The following MRC1 variants were observed in gnomAD, a reference collection of about 807,000 sequenced individuals.
MRC1 encodes macrophage mannose receptor 1.
Under a neutral mutation model 102.9 loss-of-function variants are expected in MRC1, and 62 were observed. The ratio of observed to expected loss-of-function variants is 0.60; its 90% CI spans 0.49 to 0.74. The LOEUF (loss-of-function observed/expected upper bound fraction) is 0.74, where lower values mean the gene tolerates loss of function less well. MRC1 is among the 30% of genes least tolerant of loss of function. The probability of loss-of-function intolerance (pLI) is 0.00; values close to 1 mark genes in which losing one functional copy is unlikely to be tolerated. For missense variants in MRC1, 1,237 were observed against 862.8 expected, an observed-to-expected ratio of 1.43 and a Z score of -5.43; for synonymous variants, 457 against 298.4, an observed-to-expected ratio of 1.53 and a Z score of -5.48.
Position 17,845,293 on chromosome 10 carries a change from T to C in MRC1, c.921T>C (p.Ser307=), listed in dbSNP as rs1838809200. The C allele has an allele frequency of 1.3e-6, 1 of 780,826 alleles. No individual in the cohort carries two copies. Among genetic ancestry groups the C allele is most frequent in the Non-Finnish European group, 2.4e-6 (1 of 417,944 alleles). 48.4% of individuals were successfully genotyped at this position (780,826 alleles called of 1,614,324 possible). Residue 307 remains serine (S), a synonymous_variant, in exon 6 of 30, where the codon AGT becomes AGC. Coordinates refer to ENST00000569591, the MANE Select transcript of MRC1 (RefSeq NM_002438.4). ...PFRYLNWLPG[S]PSAEPGKSCV... The stretch of plus-strand genomic sequence containing the variant: ...AACTTTTCCTTTTCCTCGAAGGAAG[T>C]CCATCAGCTGAACCTGGAAAAAGCT...
At chr10:17,889,356 T>A (rs1249149878) in intron 22 of MRC1, among the ~76,000 whole-genome samples, 1 of 152,210 alleles carries the variant, frequency 6.6e-6, no homozygotes, top group African/African-American at 2.4e-5. Context: ...TTTACTTCAA[T>A]ATTTTGTATG....
chr10:17,902,346 A>G (rs1172553275), intron 26 of MRC1, among the ~76,000 whole-genome samples: 2 of 152,204 alleles, frequency 1.3e-5, no homozygotes, highest in Non-Finnish European at 2.9e-5. Flanking sequence ...AGCGTATTCT[A>G]AATGGTTTCT....
chr10:17,858,598 C>T (rs951190918), intron 9 of MRC1, among the ~76,000 whole-genome samples: 34 of 152,216 alleles, frequency 2.2e-4, no homozygotes, highest in Non-Finnish European at 4.1e-4. Flanking sequence ...AGTAATTCTT[C>T]TGCTTCAGCC....
At chr10:17,835,352 G>C (rs1362642203) in intron 4 of MRC1, among the ~76,000 whole-genome samples, 2 of 152,132 alleles carry the variant, frequency 1.3e-5, no homozygotes, top group Non-Finnish European at 2.9e-5. Flanking sequence ...TCATTCCCAA[G>C]ATATCTTGTA....
At chr10:17,827,471 G>C in intron 2 of MRC1, 71 bp from the exon 3 acceptor site, 1 of 688,136 alleles carries the variant, frequency 1.5e-6, no homozygotes, top group East Asian at 3.1e-5. Flanking sequence ...CCTTCAGTAG[G>C]CTTCTTATTG....
intron 12 of MRC1, among the ~76,000 whole-genome samples, chr10:17,869,482 C>T (rs1012944419): frequency 2.6e-5 from 4 of 152,036 alleles, no homozygotes; most frequent in East Asian, 1.9e-4. Context: ...TGAGGAGTAA[C>T]GCATGAGAAT....
In MRC1 at chr10:17,853,066, G is replaced by A. The variant is rs1021457150; in HGVS notation, c.1349G>A (p.Arg450His). The A allele has an allele frequency of 3.9e-4, 304 of 780,810 alleles. 1 individual carries two copies. In the Middle Eastern group the frequency reaches 6.8e-3, roughly 17 times the overall value. 48.4% of individuals were successfully genotyped at this position (780,810 alleles called of 1,614,324 possible). A position where few individuals can be genotyped will look rare whatever the true frequency, so the allele number is the denominator to read the frequency against. Residue 450 changes from arginine (R) to histidine (H), a missense_variant, in exon 8 of 30, where the codon CGT becomes CAT. Physicochemically the swap from Arg to His is conservative, Grantham distance 29. Transcript: ENST00000569591. ...CCTGTAACGTTTACCAAATGGCTTC[G>A]TGGAGAACCAAGCCATGAAAACAAC... ...GTPVTFTKWL[R>H]GEPSHENNRQ... is the part of the protein sequence containing the mutation.
At chr10:17,872,340 G>A (rs1833366195) in intron 15 of MRC1, among the ~76,000 whole-genome samples, 2 of 152,140 alleles carry the variant, frequency 1.3e-5, no homozygotes, top group Non-Finnish European at 2.9e-5. Flanking sequence ...GGGAGTTCTG[G>A]GCAAGAGTCA....
intron 1 of MRC1, among the ~76,000 whole-genome samples, chr10:17,813,794 G>A (rs1011731418): frequency 0.042 from 6,286 of 150,816 alleles, 311 homozygotes; most frequent in African/African-American, 0.13. Context: ...ACTTCCCGGG[G>A]TCAAGTGATT....
intron 5 of MRC1, 27 bp from the exon 6 acceptor site, chr10:17,845,262 C>T (rs1838808737): frequency 1.3e-6 from 1 of 780,614 alleles, no homozygotes; most frequent in South Asian, 1.3e-5. Flanking sequence ...TATAATAGTC[C>T]ACTTTAACTT....
rs568218291 is a variant in MRC1 at position 17,903,617 on chromosome 10, A to G, written c.3799+1495A>G. On this transcript the variant is annotated intron_variant, in intron 26 of 29. Coordinates refer to ENST00000569591, the MANE Select transcript of MRC1 (RefSeq NM_002438.4). Reference sequence around the variant, plus strand: ...CACATTATTGGTCAGGCTGTTTTCGAACTCCTGACCTCAGGTTATCCACCT... The same window carrying G: ...CACATTATTGGTCAGGCTGTTTTCGGACTCCTGACCTCAGGTTATCCACCT... Among the ~76,000 whole-genome samples the G allele has an allele frequency of 3.5e-3, 529 of 151,970 alleles. 5 individuals carry two copies. Among genetic ancestry groups the G allele is most frequent in the African/African-American group, 0.011 (449 of 41,464 alleles).
At chr10:17,859,791 T>G (rs2130658292) in intron 9 of MRC1, among the ~76,000 whole-genome samples, 1 of 152,354 alleles carries the variant, frequency 6.6e-6, no homozygotes, top group African/African-American at 2.4e-5. Context: ...GACTTTAATT[T>G]TTTGGCTGTG....
At chr10:17,845,535 T>C (rs1838813897) in intron 6 of MRC1, 100 bp downstream of exon 6, 1 of 756,058 alleles carries the variant, frequency 1.3e-6, no homozygotes, top group Non-Finnish European at 2.5e-6. Flanking sequence ...CCAGAGGTTT[T>C]GTGGATAGTT....
intron 17 of MRC1, among the ~76,000 whole-genome samples, chr10:17,876,059 T>C (rs2130683889): frequency 1.3e-5 from 2 of 152,272 alleles, no homozygotes; most frequent in Admixed American, 1.3e-4. Context: ...GATTTAAGGA[T>C]GGAACAGTGA....
At chr10:17,861,279 C>T (rs1833180669) in intron 9 of MRC1, 108 bp from the exon 10 acceptor site, 1 of 603,202 alleles carries the variant, frequency 1.7e-6, no homozygotes, top group East Asian at 3.2e-5. Flanking sequence ...CGCCATTGTA[C>T]TCCAGCCTGG....
chr10:17,897,076 A>T (rs911972317), intron 23 of MRC1, among the ~76,000 whole-genome samples: 1 of 152,228 alleles, frequency 6.6e-6, no homozygotes, highest in Non-Finnish European at 1.5e-5. Flanking sequence ...TTATTTATGG[A>T]CACAAATTTG....
At chr10:17,852,201 G>A (rs1838927492) in intron 7 of MRC1, among the ~76,000 whole-genome samples, 2 of 152,160 alleles carry the variant, frequency 1.3e-5, no homozygotes, top group African/African-American at 4.8e-5. Flanking sequence ...AATCAATAAT[G>A]TTCTCCATAG....
intron 6 of MRC1, among the ~76,000 whole-genome samples, chr10:17,847,855 G>A (rs1838848874): frequency 6.6e-6 from 1 of 151,742 alleles, no homozygotes; most frequent in African/African-American, 2.4e-5. Context: ...AATTTCCTAG[G>A]TAGCAAAATT....
chr10:17,880,944 G>A (rs1833505043), intron 20 of MRC1, 123 bp from the exon 21 acceptor site: 29 of 725,736 alleles, frequency 4.0e-5, no homozygotes, highest in South Asian at 3.9e-4. Flanking sequence ...CCAGTTGGTG[G>A]TGAGAAAATT....
Sources: allele counts gnomAD v4.1 joint callset (sites outside exome capture counted in the v4.1 genomes callset), GRCh38; gene constraint gnomAD v4.1.1; transcripts MANE v1.5; gene names NCBI Gene and HGNC (gene_info 2026-07-23, HGNC 2026-07-21).